Variants in VAV3 observed in about 807,000 individuals in gnomAD.
VAV3 encodes guanine nucleotide exchange factor VAV3.
Under a neutral mutation model 131.2 loss-of-function variants are expected in VAV3, and 94 were observed. The observed-to-expected ratio is 0.72, with a 90% CI of 0.61 to 0.85. The LOEUF (loss-of-function observed/expected upper bound fraction) is 0.85, where lower values mean the gene tolerates loss of function less well. Ranked by LOEUF, VAV3 falls within the 40% of genes least tolerant of loss-of-function variation. The pLI is 0.00. For missense variants in VAV3, 939 were observed against 1,002.7 expected, an observed-to-expected ratio of 0.94 and a Z score of 0.86; for synonymous variants, 349 against 342.0, an observed-to-expected ratio of 1.02 and a Z score of -0.22.
At chr1:107,924,405 A>AT in intron 1 of VAV3, among the ~76,000 whole-genome samples, 1 of 152,116 alleles carries the variant, frequency 6.6e-6, no homozygotes, top group East Asian at 1.9e-4. Context: ...AAAAAAAAAA[A>AT]ACCCTGTAAA....
chr1:107,575,022 C>T (rs1158765190), intron 25 of VAV3, among the ~76,000 whole-genome samples: 40,917 of 96,112 alleles, frequency 0.43, 6,265 homozygotes, highest in East Asian at 0.57. Context: ...CGCGCACACG[C>T]GCGCGTGTTT....
intron 17 of VAV3, among the ~76,000 whole-genome samples, chr1:107,695,827 G>A (rs1191535544): frequency 6.6e-6 from 1 of 152,118 alleles, no homozygotes; most frequent in Non-Finnish European, 1.5e-5. Flanking sequence ...GTCAAGTAAG[G>A]TAAGGCCTAA....
At chr1:107,883,916 C>G (rs1670904942) in intron 1 of VAV3, among the ~76,000 whole-genome samples, 1 of 152,182 alleles carries the variant, frequency 6.6e-6, no homozygotes, top group Admixed American at 6.5e-5. Context: ...AGACAAGCAG[C>G]ATCTTTACTC....
rs200365455 is a variant in VAV3 at position 107,578,487 on chromosome 1, C to CT, written c.2351-4290dup. On this transcript the variant is annotated intron_variant, in intron 25 of 26. Transcript: ENST00000370056. ...ATGAGCAAATGACACACATCTAACT[C>CT]TATTATTGGCAGAAAATCTGGTGCT... 8.3e-3 allele frequency among the ~76,000 whole-genome samples: 1,261 copies of CT among 152,280 alleles called. 4 individuals are homozygous for CT. The highest frequency in any genetic ancestry group is 0.031 in the Middle Eastern group (9 of 294).
chr1:107,575,819 A>T (rs1028476431), intron 25 of VAV3, among the ~76,000 whole-genome samples: 2 of 152,190 alleles, frequency 1.3e-5, no homozygotes, highest in Admixed American at 1.3e-4. Flanking sequence ...AAAATCGGTC[A>T]GAAAACAGAC....
chr1:107,721,733 G>GAA (rs11462712), intron 15 of VAV3, among the ~76,000 whole-genome samples: 6 of 149,674 alleles, frequency 4.0e-5, no homozygotes, highest in Admixed American at 4.0e-4. Context: ...TCCTGGGCCT[G>GAA]AAAAAAAAAC....
At chr1:107,809,691 G>A (rs1248044553) in intron 2 of VAV3, among the ~76,000 whole-genome samples, 1 of 152,118 alleles carries the variant, frequency 6.6e-6, no homozygotes, top group East Asian at 1.9e-4. Flanking sequence ...ACTATGCAAA[G>A]GCACTACACT....
At chr1:107,618,673 G>A (rs552327640) in intron 20 of VAV3, among the ~76,000 whole-genome samples, 2 of 152,218 alleles carry the variant, frequency 1.3e-5, no homozygotes, top group East Asian at 3.9e-4. Flanking sequence ...TACAGATGAG[G>A]AAAATGAGAC....
chr1:107,589,847 C>T (rs1325261911), intron 25 of VAV3, among the ~76,000 whole-genome samples: 1 of 152,116 alleles, frequency 6.6e-6, no homozygotes, highest in Non-Finnish European at 1.5e-5. Context: ...AATATTGTCT[C>T]TATTCTATTG....
intron 20 of VAV3, among the ~76,000 whole-genome samples, chr1:107,624,374 C>CTGTGTGTG (rs59476510): frequency 0.017 from 2,406 of 143,238 alleles, 32 homozygotes; most frequent in Non-Finnish European, 0.019. Flanking sequence ...AGTCTTATGA[C>CTGTGTGTG]TGTGTGTGTG....
chr1:107,884,051 G>A (rs11185193), intron 1 of VAV3, among the ~76,000 whole-genome samples: 6,043 of 151,772 alleles, frequency 0.04, 144 homozygotes, highest in Middle Eastern at 0.11. Context: ...GGTGCATGTC[G>A]CTGCCTTTGG....
rs114258559 is a variant in VAV3, at chr1:107,959,275, T to A, written c.204+5391A>T. On this transcript the variant is annotated intron_variant, in intron 1 of 26. Coordinates refer to ENST00000370056, the MANE Select transcript of VAV3 (RefSeq NM_006113.5). ...GACTCTGTCTAAAAAATAAATAAAT[T>A]AATTAATTAATTAATTAACCCATAT... Among the ~76,000 whole-genome samples the A allele has an allele frequency of 9.0e-3, 1,096 of 121,776 alleles. 8 individuals carry two copies. Among genetic ancestry groups the A allele is most frequent in the African/African-American group, 0.03 (663 of 21,998 alleles). The allele number at this position is 121,776 out of a possible 152,430, so 79.9% of individuals were successfully genotyped here. A position where few individuals can be genotyped will look rare whatever the true frequency, so the allele number is the denominator to read the frequency against.
intron 24 of VAV3, 73 bp from the exon 25 acceptor site, chr1:107,596,414 A>G: frequency 6.6e-7 from 1 of 1,521,962 alleles, no homozygotes; most frequent in South Asian, 1.2e-5. Flanking sequence ...TCCTGAGCAC[A>G]TAAATACAAT....
At chr1:107,612,411 T>G (rs1652823995) in intron 21 of VAV3, among the ~76,000 whole-genome samples, 1 of 152,108 alleles carries the variant, frequency 6.6e-6, no homozygotes, top group Admixed American at 6.6e-5. Context: ...CATTGTAGTT[T>G]CACACTGTAC....
chr1:107,661,490 T>C (rs1229912327), intron 19 of VAV3, among the ~76,000 whole-genome samples: 1 of 152,182 alleles, frequency 6.6e-6, no homozygotes. Context: ...TTATTATAGT[T>C]ATTTAACATA....
In VAV3 at chr1:107,576,318, A is replaced by G. The variant is rs190034328; in HGVS notation, c.2351-2120T>C. On this transcript the variant is annotated intron_variant, in intron 25 of 26. Coordinates refer to ENST00000370056, the MANE Select transcript of VAV3 (RefSeq NM_006113.5). ...AGGAGATGTATCCGTATGAGAAGCC[A>G]TACATGGAACTCAAATATTTTATTT... 6.6e-5 allele frequency: 85 copies of G among 1,291,158 alleles called. 1 individual carries two copies. The Admixed American group carries it at 2.3e-3, about 35-fold the overall frequency. The allele number at this position is 1,291,158 out of a possible 1,614,324, so 80.0% of individuals were successfully genotyped here. A position where few individuals can be genotyped will look rare whatever the true frequency, so the allele number is the denominator to read the frequency against.
chr1:107,709,731 G>C (rs1037993538), intron 15 of VAV3, among the ~76,000 whole-genome samples: 1 of 152,074 alleles, frequency 6.6e-6, no homozygotes. Flanking sequence ...GTTTTATAAG[G>C]GGCTGCCCCC....
intron 25 of VAV3, among the ~76,000 whole-genome samples, chr1:107,591,434 T>C (rs1434843953): frequency 1.3e-5 from 2 of 150,540 alleles, no homozygotes; most frequent in African/African-American, 5.0e-5. Flanking sequence ...AATGAATGAA[T>C]AAATGAATGA....
At chr1:107,779,366 T>C (rs1279514519) in intron 3 of VAV3, 68 bp downstream of exon 3, 12 of 1,399,338 alleles carry the variant, frequency 8.6e-6, no homozygotes, top group South Asian at 3.0e-5. Flanking sequence ...TCACAAATAG[T>C]AACCATTTAA....
Sources: gnomAD v4.1 joint callset for allele counts (sites outside exome capture counted in the v4.1 genomes callset) on GRCh38, gnomAD v4.1.1 for gene constraint, MANE v1.5 for transcripts, NCBI Gene and HGNC (gene_info 2026-07-23, HGNC 2026-07-21) for gene names.